Variants in SLC16A4 observed in about 807,000 individuals in gnomAD.
SLC16A4 encodes the protein probable monocarboxylate transporter 5.
Under a neutral mutation model 47.9 loss-of-function variants are expected in SLC16A4, and 39 were observed. The ratio of observed to expected loss-of-function variants is 0.81; its 90% CI spans 0.63 to 1.06. The LOEUF (loss-of-function observed/expected upper bound fraction) is 1.06. SLC16A4 is among the 50% of genes least tolerant of loss of function. The pLI, the probability that SLC16A4 is intolerant of heterozygous loss-of-function variation, is 0.00. For missense variants in SLC16A4, 524 were observed against 573.8 expected (o/e 0.91, Z 0.89); for synonymous variants, 189 against 199.9 (o/e 0.95, Z 0.46).
chr1:110,388,505 CA>C (rs1234023957), intron 2 of SLC16A4, among the ~76,000 whole-genome samples: 4 of 152,136 alleles, frequency 2.6e-5, no homozygotes, highest in African/African-American at 9.7e-5. Context: ...GGGCTGTGCC[CA>C]CAGTGTTCTA....
At chr1:110,381,915 C>G in intron 3 of SLC16A4, 120 bp from the exon 4 acceptor site, 1 of 931,354 alleles carries the variant, frequency 1.1e-6, no homozygotes. Context: ...TGAAGTATTA[C>G]GTATTCTTCA....
At chr1:110,369,252 C>T (rs1397324154) in intron 8 of SLC16A4, among the ~76,000 whole-genome samples, 1 of 151,782 alleles carries the variant, frequency 6.6e-6, no homozygotes, top group Non-Finnish European at 1.5e-5. Flanking sequence ...TGTGCCCAGT[C>T]ATGAATCATT....
chr1:110,366,753 A>T (rs1373668636), intron 8 of SLC16A4, among the ~76,000 whole-genome samples: 4 of 152,208 alleles, frequency 2.6e-5, no homozygotes. Context: ...ATCCCTGTTA[A>T]ATAACTCATG....
At chr1:110,381,622 T>C in intron 4 of SLC16A4, 30 bp downstream of exon 4, 1 of 1,596,994 alleles carries the variant, frequency 6.3e-7, no homozygotes, top group East Asian at 2.2e-5. Flanking sequence ...CTCCTGGCCT[T>C]CTATGGTCAC....
At chr1:110,380,936 G>T in intron 5 of SLC16A4, 46 bp downstream of exon 5, 3 of 1,549,948 alleles carry the variant, frequency 1.9e-6, no homozygotes, top group Non-Finnish European at 2.7e-6. Context: ...AAAGCTGAAC[G>T]CTAAATCTTG....
intron 8 of SLC16A4, chr1:110,374,978 T>G (rs1351588276): frequency 6.5e-6 from 1 of 153,442 alleles, no homozygotes; most frequent in African/African-American, 2.4e-5. Context: ...AGTCGTTCAT[T>G]GTTTTTTTTG....
chr1:110,383,934 G>A (rs529248821), intron 2 of SLC16A4, among the ~76,000 whole-genome samples: 6 of 150,120 alleles, frequency 4.0e-5, no homozygotes, highest in Non-Finnish European at 7.4e-5. Context: ...CAGCTTGGAA[G>A]TTAGAAGCAG....
At chr1:110,385,438 A>G (rs56738361) in intron 2 of SLC16A4, among the ~76,000 whole-genome samples, 360 of 152,342 alleles carry the variant, frequency 2.4e-3, no homozygotes, top group African/African-American at 8.3e-3. Context: ...CTGCTTTCCC[A>G]AGAGCTTCAG....
At chr1:110,378,810 T>G in intron 6 of SLC16A4, 43 bp downstream of exon 6, 1 of 1,536,326 alleles carries the variant, frequency 6.5e-7, no homozygotes, top group Non-Finnish European at 8.7e-7. Context: ...AAAATTAAGT[T>G]GATCTTTCCT....
intron 8 of SLC16A4, among the ~76,000 whole-genome samples, chr1:110,369,761 C>T (rs1661591181): frequency 6.6e-6 from 1 of 152,166 alleles, no homozygotes; most frequent in South Asian, 2.1e-4. Context: ...CAATTTTCCT[C>T]TCATCCCTGG....
At chr1:110,374,396 A>T (rs1026909230) in intron 8 of SLC16A4, among the ~76,000 whole-genome samples, 1 of 152,178 alleles carries the variant, frequency 6.6e-6, no homozygotes, top group Non-Finnish European at 1.5e-5. Context: ...TTAATTTTTT[A>T]AAAAATGATA....
Position 110,389,587 on chromosome 1 carries a change from A to ATTT in SLC16A4, c.-32-233_-32-232insAAA, listed in dbSNP as rs1451265915. Among the ~76,000 whole-genome samples the ATTT allele has an allele frequency of 2.0e-5, 3 of 152,222 alleles. No homozygotes were observed. The East Asian group carries it at 5.8e-4, about 29-fold the overall frequency. On this transcript the variant is annotated intron_variant, in intron 1 of 8. Transcript: ENST00000369779. Reference sequence around the variant, plus strand: ...AGGAAGATAAATTGTTCTACCAAAAAGCCACATGCACTTTTATGTTCACTG... The same window carrying ATTT: ...AGGAAGATAAATTGTTCTACCAAAAATTTGCCACATGCACTTTTATGTTCACTG...
intron 2 of SLC16A4, among the ~76,000 whole-genome samples, chr1:110,387,534 A>T (rs889033135): frequency 3.3e-5 from 5 of 152,208 alleles, no homozygotes; most frequent in African/African-American, 1.2e-4. Flanking sequence ...GATCCAGTGC[A>T]TTTTTTGTGC....
rs893536969 is a variant in SLC16A4 at position 110,381,100 on chromosome 1, A to C, written c.408T>G (p.Thr136=). 1 of 1,614,196 alleles carries C rather than the reference A, an allele frequency of 6.2e-7. No individual in the cohort carries two copies. The stretch of plus-strand genomic sequence containing the variant: ...CCAATCGTTTTTTGAAGTATTTGGT[A>C]GTTACCACAGCAGCCACTTGGTATA... ...AFLYQVAAVV[T]TKYFKKRLAL... is the part of the protein sequence containing the mutation. Residue 136 remains threonine (T), a synonymous_variant, in exon 5 of 9, where the codon ACT becomes ACG. Coordinates refer to ENST00000369779, the MANE Select transcript of SLC16A4 (RefSeq NM_004696.3).
At position 110,382,978 on chromosome 1, in the gene SLC16A4, C is replaced by G. The variant is rs763411124; in HGVS notation, c.88-12G>C. The G allele has an allele frequency of 6.3e-7, 1 of 1,591,150 alleles. No individual in the cohort carries two copies. The highest frequency in any genetic ancestry group is 8.6e-7 in the Non-Finnish European group (1 of 1,165,280). ...ACAAACACATTCACCTAAATCAAAG[C>G]AGACCAGAGTCCAACTCAGGTGGTA... On this transcript the variant is annotated splice_polypyrimidine_tract_variant and intron_variant, in intron 2 of 8. Coordinates refer to ENST00000369779, the MANE Select transcript of SLC16A4 (RefSeq NM_004696.3).
intron 8 of SLC16A4, 87 bp downstream of exon 8, chr1:110,375,371 C>A: frequency 1.3e-6 from 1 of 780,736 alleles, no homozygotes. Flanking sequence ...TAACCTGATA[C>A]CATCATTACA....
At chr1:110,366,483 G>C (rs950776982) in intron 8 of SLC16A4, among the ~76,000 whole-genome samples, 22 of 152,234 alleles carry the variant, frequency 1.4e-4, no homozygotes, top group African/African-American at 5.3e-4. Context: ...TTAAAATATA[G>C]TCATGTGGCA....
chr1:110,380,424 C>A (rs1662308881), intron 5 of SLC16A4, among the ~76,000 whole-genome samples: 1 of 152,094 alleles, frequency 6.6e-6, no homozygotes, highest in Non-Finnish European at 1.5e-5. Flanking sequence ...GTCTTAGTTA[C>A]AAAGAAAATT....
Position 110,376,935 on chromosome 1 carries a change from A to C in SLC16A4, c.1242+15T>G, listed in dbSNP as rs760387490. The C allele has an allele frequency of 1.9e-6, 3 of 1,601,408 alleles. No homozygotes were observed. In the Admixed American group the frequency reaches 5.0e-5, roughly 27 times the overall value. On this transcript the variant is annotated intron_variant, in intron 7 of 8. Coordinates refer to ENST00000369779, the MANE Select transcript of SLC16A4 (RefSeq NM_004696.3). ...ACTAAATGGTTTAACAATGTTAATG[A>C]GTGTGTCTACTCACCAGTACAGGCA...
Sources: gnomAD v4.1 joint callset for allele counts (sites outside exome capture counted in the v4.1 genomes callset) on GRCh38, gnomAD v4.1.1 for gene constraint, MANE v1.5 for transcripts, NCBI Gene and HGNC (gene_info 2026-07-23, HGNC 2026-07-21) for gene names.